The following CYB5B variants were observed in gnomAD, a reference collection of about 807,000 sequenced individuals.
CYB5B encodes the protein cytochrome b5 type B.
A neutral mutation model predicts 21.3 loss-of-function variants in CYB5B; 14 were observed. The observed-to-expected ratio is 0.66, with a 90% confidence interval of 0.43 to 1.03. CYB5B has a LOEUF of 1.03. Among genes scored for constraint, CYB5B ranks in the 50% least tolerant of loss-of-function variants. CYB5B has a pLI of 0.00. For synonymous variants in CYB5B, 69 were observed against 68.4 expected, an observed-to-expected ratio of 1.01 and a Z score of -0.04; for missense variants, 166 against 185.1, an observed-to-expected ratio of 0.90 and a Z score of 0.60.
intron 1 of CYB5B, among the ~76,000 whole-genome samples, chr16:69,434,414 A>G (rs1333343384): frequency 6.6e-6 from 1 of 152,194 alleles, no homozygotes; most frequent in African/African-American, 2.4e-5. Context: ...TGAGATTACT[A>G]GGTTATATGT....
intron 1 of CYB5B, among the ~76,000 whole-genome samples, chr16:69,434,676 C>T (rs755750123): frequency 1.3e-5 from 2 of 152,036 alleles, no homozygotes; most frequent in South Asian, 4.2e-4. Context: ...CCAGCCTGGC[C>T]AACATAGTGA....
At chr16:69,449,181 A>G (rs2014907563) in intron 3 of CYB5B, 1 of 152,036 alleles carries the variant, frequency 6.6e-6, no homozygotes, top group Non-Finnish European at 1.5e-5. Context: ...CTCTCCTCCT[A>G]ACACATGTAC....
chr16:69,432,839 C>T (rs2014720512), intron 1 of CYB5B, among the ~76,000 whole-genome samples: 1 of 152,100 alleles, frequency 6.6e-6, no homozygotes, highest in South Asian at 2.1e-4. Context: ...TTCTATCACC[C>T]AGGCTGGAGT....
At chr16:69,447,120 C>T in intron 1 of CYB5B, 30 bp from the exon 2 acceptor site, 1 of 1,607,598 alleles carries the variant, frequency 6.2e-7, no homozygotes, top group Non-Finnish European at 8.5e-7. Context: ...TCAGAGAACC[C>T]TCGGTTCAGT....
chr16:69,431,705 G>C (rs1019819171), intron 1 of CYB5B, among the ~76,000 whole-genome samples: 1 of 152,094 alleles, frequency 6.6e-6, no homozygotes, highest in Non-Finnish European at 1.5e-5. Flanking sequence ...CCAGGACATC[G>C]AGGCTGCAGT....
chr16:69,442,824 C>T (rs2014838178), intron 1 of CYB5B, among the ~76,000 whole-genome samples: 1 of 125,498 alleles, frequency 8.0e-6, no homozygotes, highest in African/African-American at 3.4e-5. Context: ...GCCTAGCTAT[C>T]CTTTTTTTTT....
chr16:69,428,109 G>A (rs1007234427), intron 1 of CYB5B, among the ~76,000 whole-genome samples: 1 of 152,008 alleles, frequency 6.6e-6, no homozygotes, highest in Non-Finnish European at 1.5e-5. Context: ...ACAGGTGTGA[G>A]CCACTGTGCT....
At chr16:69,448,633 G>T (rs1469902629) in intron 3 of CYB5B, 2 of 156,800 alleles carry the variant, frequency 1.3e-5, no homozygotes, top group Non-Finnish European at 2.8e-5. Flanking sequence ...ACCCTTCCCG[G>T]TTACTTAGTA....
intron 1 of CYB5B, among the ~76,000 whole-genome samples, chr16:69,438,965 A>T (rs903773746): frequency 2.0e-5 from 3 of 151,908 alleles, no homozygotes; most frequent in Non-Finnish European, 2.9e-5. Flanking sequence ...ATGGAGTCCA[A>T]TTTATCTGTT....
Position 69,462,626 on chromosome 16 carries a change from C to T in CYB5B, c.*106C>T. 1 of 912,414 alleles carries T rather than the reference C, an allele frequency of 1.1e-6. No individual in the cohort carries two copies. The highest frequency in any genetic ancestry group is 1.4e-5 in the South Asian group (1 of 73,200). 56.5% of individuals were successfully genotyped at this position (912,414 alleles called of 1,614,324 possible). A position where few individuals can be genotyped will look rare whatever the true frequency, so the allele number is the denominator to read the frequency against. On this transcript the variant is annotated 3_prime_UTR_variant, in exon 5 of 5. Transcript: ENST00000307892. Reference sequence around the variant, plus strand: ...CTCCTCGAATCCTGCCAGTTGCATTCTTCCCCCTTGGAGCCAAGACGATTG... The same window carrying T: ...CTCCTCGAATCCTGCCAGTTGCATTTTTCCCCCTTGGAGCCAAGACGATTG...
At position 69,462,459 on chromosome 16, in the gene CYB5B, T is replaced by G. The variant is rs750916637; in HGVS notation, c.392T>G (p.Ile131Arg). ...SCWAYWILPIIGAVLLGFLYR... is the reference protein window; with the variant it reads ...SCWAYWILPIRGAVLLGFLYR... ...TGGGCATATTGGATTTTACCCATCA[T>G]AGGCGCTGTTCTCTTAGGTTTCCTG... Residue 131 changes from isoleucine to arginine, a missense_variant, in exon 5 of 5, where the codon ATA (isoleucine) becomes AGA (arginine). By Grantham distance (97) the Ile-to-Arg change is moderately conservative. Transcript: ENST00000307892. 6.2e-7 allele frequency: 1 copy of G among 1,614,156 alleles called. No homozygotes were observed. Among genetic ancestry groups the G allele is most frequent in the South Asian group, 1.1e-5 (1 of 91,084 alleles).
chr16:69,448,363 C>CT (rs5817668), intron 3 of CYB5B: 19,662 of 455,144 alleles, frequency 0.043, 153 homozygotes, highest in African/African-American at 0.072. Flanking sequence ...CCTTTATACG[C>CT]TTTTTTTTTT....
rs1200901964 is a variant in CYB5B at position 69,459,125 on chromosome 16, A to G, written c.362+4A>G. On this transcript the variant is annotated splice_donor_region_variant and intron_variant, in intron 4 of 4. Transcript: ENST00000307892. ...CAAAAAATGATACATGCAAAAGGTT[A>G]GTATCTCCTTAACAGCTTTCCATAC... is the stretch of plus-strand genomic sequence containing the variant. 1.2e-6 allele frequency: 2 copies of G among 1,603,918 alleles called. No homozygotes were observed. The highest frequency in any genetic ancestry group is 1.7e-6 in the Non-Finnish European group (2 of 1,177,074).
intron 1 of CYB5B, among the ~76,000 whole-genome samples, chr16:69,428,935 A>C (rs1267448777): frequency 6.6e-6 from 1 of 152,212 alleles, no homozygotes; most frequent in African/African-American, 2.4e-5. Context: ...GAATAGTTGC[A>C]CATGAGATCA....
rs900373754 is a variant in CYB5B, at chr16:69,463,605, C to T, written c.*1085C>T. The T allele has an allele frequency of 2.0e-5, 3 of 152,092 alleles. No homozygotes were observed. The highest frequency in any genetic ancestry group is 4.4e-5 in the Non-Finnish European group (3 of 68,010). 9.4% of individuals were successfully genotyped at this position (152,092 alleles called of 1,614,324 possible). On this transcript the variant is annotated 3_prime_UTR_variant, in exon 5 of 5. Coordinates refer to ENST00000307892, the MANE Select transcript of CYB5B (RefSeq NM_030579.3). ...TTTGTTGATTAGCAAATTTTTGATT[C>T]TCCATTTTCCAAAAGTAAGAGACTC...
Position 69,464,032 on chromosome 16 carries a change from G to A in CYB5B, c.*1512G>A, listed in dbSNP as rs2015062212. The A allele has an allele frequency of 6.6e-6, 1 of 152,102 alleles. No individual in the cohort carries two copies. 9.4% of individuals were successfully genotyped at this position (152,102 alleles called of 1,614,324 possible). On this transcript the variant is annotated 3_prime_UTR_variant, in exon 5 of 5. Coordinates refer to ENST00000307892, the MANE Select transcript of CYB5B (RefSeq NM_030579.3). The stretch of plus-strand genomic sequence containing the variant: ...CTGAGCCATTGTCATATCCAGCAGG[G>A]AGCAGCTTGGTTCAAGAAGGACCAT...
Position 69,462,671 on chromosome 16 carries a change from C to T in CYB5B, c.*151C>T. On this transcript the variant is annotated 3_prime_UTR_variant, in exon 5 of 5. Coordinates refer to ENST00000307892, the MANE Select transcript of CYB5B (RefSeq NM_030579.3). Reference sequence around the variant, plus strand: ...CGATTGGCCAGACATCACCTCAGATCTGAGACCAGCGTCTTCCATCTCTCA... The same window carrying T: ...CGATTGGCCAGACATCACCTCAGATTTGAGACCAGCGTCTTCCATCTCTCA... 1 of 642,000 alleles carries T rather than the reference C, an allele frequency of 1.6e-6. No homozygotes were observed. The highest frequency in any genetic ancestry group is 2.8e-6 in the Non-Finnish European group (1 of 359,256). 39.8% of individuals were successfully genotyped at this position (642,000 alleles called of 1,614,324 possible).
At chr16:69,448,789 T>C (rs1252978693) in intron 3 of CYB5B, 1 of 152,332 alleles carries the variant, frequency 6.6e-6, no homozygotes, top group African/African-American at 2.4e-5. Flanking sequence ...CAATTTTCCT[T>C]AATTTCTGTC....
At chr16:69,445,654 A>G (rs2014870316) in intron 1 of CYB5B, among the ~76,000 whole-genome samples, 1 of 152,200 alleles carries the variant, frequency 6.6e-6, no homozygotes, top group Admixed American at 6.5e-5. Flanking sequence ...TGAGTAAGTA[A>G]TGCTTTATTT....
Sources: allele counts gnomAD v4.1 joint callset (sites outside exome capture counted in the v4.1 genomes callset), GRCh38; gene constraint gnomAD v4.1.1; transcripts MANE v1.5; gene names NCBI Gene and HGNC (gene_info 2026-07-23, HGNC 2026-07-21).